The following CD163L1 variants were observed in gnomAD, a reference collection of about 807,000 sequenced individuals.
CD163L1 encodes the protein CD163 molecule like 1.
Under a neutral mutation model 165.4 loss-of-function variants are expected in CD163L1, and 124 were observed. The observed-to-expected ratio is 0.75, with a 90% confidence interval of 0.65 to 0.87. The LOEUF (loss-of-function observed/expected upper bound fraction) is 0.87. Ranked by LOEUF, CD163L1 falls within the 40% of genes least tolerant of loss-of-function variation. The pLI is 0.00. For missense variants in CD163L1, 1,525 were observed against 1,799.9 expected (o/e 0.85, Z 2.76); for synonymous variants, 585 against 662.2 (o/e 0.88, Z 1.79).
chr12:7,402,074 T>C (rs1033432346), intron 6 of CD163L1, among the ~76,000 whole-genome samples: 1 of 151,950 alleles, frequency 6.6e-6, no homozygotes, highest in Non-Finnish European at 1.5e-5. Flanking sequence ...TTATATATTA[T>C]ACTAACCTGA....
chr12:7,375,853 A>G lies in CD163L1; in HGVS notation c.2533T>C (p.Ser845Pro). The G allele has an allele frequency of 3.7e-6, 6 of 1,614,214 alleles. No individual in the cohort carries two copies. Among genetic ancestry groups the G allele is most frequent in the Non-Finnish European group, 5.1e-6 (6 of 1,180,036 alleles). The change falls in exon 10 of 20, where the codon TCT (serine) becomes CCT (proline). Residue 845 changes from serine (S) to proline (P), a missense_variant. Physicochemically the swap from Ser to Pro is moderately conservative, Grantham distance 74 (BLOSUM62 -1). Transcript: ENST00000313599. ...CCTTTTCCAAAGTGATCTCCCACAGAAAGAGATATGGCATCTCCACAGTTT... is the reference window on the plus strand; with the variant it reads ...CCTTTTCCAAAGTGATCTCCCACAGGAAGAGATATGGCATCTCCACAGTTT... The part of the protein sequence containing the change: ...ELNCGDAISL[S>P]VGDHFGKGNG...
At chr12:7,319,300 A>G in the CD163L1 span, among the ~76,000 whole-genome samples, 2 of 152,134 alleles carry the variant, frequency 1.3e-5, no homozygotes, top group African/African-American at 4.8e-5. Flanking sequence ...AATGCGGGCA[A>G]TGGGGAGTGG....
rs1241972402 is a variant in CD163L1 at position 7,396,162 on chromosome 12, T to C, written c.1983A>G (p.Ser661=). 4.3e-6 allele frequency: 7 copies of C among 1,614,040 alleles called. No homozygotes were observed. In the Admixed American group the frequency reaches 1.2e-4, roughly 27 times the overall value. ...TATTTCCCCACCCACTGTTCCTGCA[T>C]GACCAGAGATCTGACTCATCTCCAT... The part of the protein sequence containing the change: ...SCDGDESDLW[S]CRNSGWGNND... The change falls in exon 8 of 20, where the codon TCA becomes TCG. Residue 661 remains serine (S), a synonymous_variant. Coordinates refer to ENST00000313599, the MANE Select transcript of CD163L1 (RefSeq NM_174941.6).
the CD163L1 span, among the ~76,000 whole-genome samples, chr12:7,321,735 C>T: frequency 6.6e-6 from 1 of 152,224 alleles, no homozygotes; most frequent in Non-Finnish European, 1.5e-5. Flanking sequence ...TGGTTAAAAG[C>T]TAAGCTCCAA....
the CD163L1 span, among the ~76,000 whole-genome samples, chr12:7,319,212 A>G: frequency 1.3e-5 from 2 of 152,164 alleles, no homozygotes; most frequent in Non-Finnish European, 2.9e-5. Context: ...CCTCACATGC[A>G]CAGTTCACAA....
At chr12:7,338,181 G>A in the CD163L1 span, among the ~76,000 whole-genome samples, 2 of 152,140 alleles carry the variant, frequency 1.3e-5, no homozygotes, top group Non-Finnish European at 2.9e-5. Context: ...GAAGGGCAAG[G>A]GGAGGAATAG....
downstream of CD163L1, among the ~76,000 whole-genome samples, chr12:7,350,458 T>C (rs1003799626): frequency 6.6e-6 from 1 of 152,156 alleles, no homozygotes; most frequent in Admixed American, 6.5e-5. Flanking sequence ...TGGTTGGTTA[T>C]TTCCTTTAAC....
chr12:7,437,386 G>A (rs1446888145), intron 2 of CD163L1, among the ~76,000 whole-genome samples: 1 of 149,214 alleles, frequency 6.7e-6, no homozygotes, highest in East Asian at 2.0e-4. Context: ...TGCACAACGT[G>A]CAAGTTTGTT....
At chr12:7,427,546 G>A (rs1261969822) in intron 4 of CD163L1, among the ~76,000 whole-genome samples, 1 of 152,080 alleles carries the variant, frequency 6.6e-6, no homozygotes, top group African/African-American at 2.4e-5. Flanking sequence ...GGGAGGTGAT[G>A]CATATTCTTA....
At chr12:7,415,633 G>T (rs1197854174) in intron 4 of CD163L1, among the ~76,000 whole-genome samples, 1 of 151,746 alleles carries the variant, frequency 6.6e-6, no homozygotes, top group Admixed American at 6.6e-5. Context: ...GTGTCCATGT[G>T]TTCTCACTGT....
At position 7,432,741 on chromosome 12, in the gene CD163L1, G is replaced by A. The variant is rs773453747; in HGVS notation, c.446-5C>T. ...TCAAACCCAGATTGGCTTCACCTAC[G>A]AGAAAGACAAGCAGACATATGAAAA... is the stretch of plus-strand genomic sequence containing the variant. On this transcript the variant is annotated splice_region_variant and splice_polypyrimidine_tract_variant and intron_variant, in intron 3 of 19. Coordinates refer to ENST00000313599, the MANE Select transcript of CD163L1 (RefSeq NM_174941.6). The surrounding 1 kb of genome is among the most constrained non-coding windows in gnomAD (Gnocchi z 4.2). The A allele has an allele frequency of 3.2e-5, 50 of 1,586,528 alleles. No homozygotes were observed. The highest frequency in any genetic ancestry group is 1.7e-4 in the South Asian group (15 of 86,624).
chr12:7,438,081 G>A (rs944555362), intron 2 of CD163L1, among the ~76,000 whole-genome samples: 75 of 152,060 alleles, frequency 4.9e-4, no homozygotes, highest in African/African-American at 1.8e-3. Context: ...CATTTATGTA[G>A]GGTTTTTCTT....
Position 7,375,931 on chromosome 12 carries a change from CAG to C in CD163L1, c.2453_2454del (p.Ser818CysfsTer3). The C allele has an allele frequency of 6.2e-7, 1 of 1,614,238 alleles. No individual in the cohort carries two copies. The highest frequency in any genetic ancestry group is 8.5e-7 in the Non-Finnish European group (1 of 1,180,034). Reference protein sequence around the residue: ...VEVKHADTWRSVCDSDFSLHA... With the variant: ...VEVKHADTWRXVCDSDFSLHA... ...TGAAGAGAGAAATCAGAATCACAGA[CAG>C]AGCGCCATGTGTCTGCATGTTTCAC... On this transcript the variant is annotated frameshift_variant, in exon 10 of 20. Coordinates refer to ENST00000313599, the MANE Select transcript of CD163L1 (RefSeq NM_174941.6). LOFTEE classifies it high-confidence loss of function.
Position 7,400,146 on chromosome 12 carries a change from C to G in CD163L1, c.1409-1562G>C, listed in dbSNP as rs142533734. The stretch of plus-strand genomic sequence containing the variant: ...ATAGAGATTCTGTAAGTTATTTAAT[C>G]AAGACACAATTCTTGGTTACCTATG... On this transcript the variant is annotated intron_variant, in intron 6 of 19. Coordinates refer to ENST00000313599, the MANE Select transcript of CD163L1 (RefSeq NM_174941.6). The surrounding 1 kb of genome is among the most constrained non-coding windows in gnomAD (Gnocchi z 4.1). Among the ~76,000 whole-genome samples the G allele has an allele frequency of 1.4e-3, 212 of 152,162 alleles. 3 individuals are homozygous for G. The highest frequency in any genetic ancestry group is 3.7e-3 in the South Asian group (18 of 4,820).
chr12:7,390,537 A>G (rs956333843), intron 8 of CD163L1, among the ~76,000 whole-genome samples: 2 of 152,180 alleles, frequency 1.3e-5, no homozygotes, highest in African/African-American at 4.8e-5. Context: ...CATTGGAAGA[A>G]CAAGCTTCCA....
rs1948650123 is a variant in CD163L1 at position 7,432,678 on chromosome 12, C to T, written c.504G>A (p.Val168=). 7 of 1,614,026 alleles carry T rather than the reference C, an allele frequency of 4.3e-6. No homozygotes were observed. The highest frequency in any genetic ancestry group is 5.9e-6 in the Non-Finnish European group (7 of 1,180,018). ...CCCACCTTTCTTGGAATTTCACCTCCACTCTCCCTGAACAGGAGTTGTTTC... is the reference window on the plus strand; with the variant it reads ...CCCACCTTTCTTGGAATTTCACCTCTACTCTCCCTGAACAGGAGTTGTTTC... ...VDGNNSCSGR[V]EVKFQERWGT... Residue 168 remains valine, a synonymous_variant, in exon 4 of 20, where the codon GTG becomes GTA. Coordinates refer to ENST00000313599, the MANE Select transcript of CD163L1 (RefSeq NM_174941.6). The surrounding 1 kb of genome is among the most constrained non-coding windows in gnomAD (Gnocchi z 4.2).
chr12:7,362,433 C>G (rs1226257010), intron 18 of CD163L1, among the ~76,000 whole-genome samples: 1 of 134,648 alleles, frequency 7.4e-6, no homozygotes, highest in Non-Finnish European at 1.5e-5. Context: ...TATCATATAC[C>G]ATATATAATT....
intron 4 of CD163L1, among the ~76,000 whole-genome samples, chr12:7,348,780 G>A (rs1458897204): frequency 6.6e-6 from 1 of 150,716 alleles, no homozygotes; most frequent in African/African-American, 2.4e-5. Context: ...AAAGCTGGAA[G>A]GCCCTCACAA....
rs1591976270 is a variant in CD163L1 at position 7,439,410 on chromosome 12, T to C, written c.124+1744A>G. On this transcript the variant is annotated intron_variant, in intron 2 of 19. Transcript: ENST00000313599. Reference sequence around the variant, plus strand: ...TCTTTTCTTTGTCCTTAAATCAAACTAAACTTTCCAAGGAGCTCTCCAGGT... The same window carrying C: ...TCTTTTCTTTGTCCTTAAATCAAACCAAACTTTCCAAGGAGCTCTCCAGGT... The C allele has an allele frequency of 5.0e-6, 8 of 1,597,512 alleles. No individual in the cohort carries two copies. In the East Asian group the frequency reaches 1.6e-4, roughly 31 times the overall value.
Sources: gnomAD v4.1 joint callset for allele counts (sites outside exome capture counted in the v4.1 genomes callset) on GRCh38, gnomAD v4.1.1 for gene constraint, Gnocchi (gnomAD v3.1) non-coding constraint, MANE v1.5 for transcripts, NCBI Gene and HGNC (gene_info 2026-07-23, HGNC 2026-07-21) for gene names.